Variants in CEP128 observed in about 807,000 individuals in gnomAD.
CEP128 encodes the protein centrosomal protein 128, also known as centrosomal protein 128kDa.
A neutral mutation model predicts 156.7 loss-of-function variants in CEP128; 132 were observed. The observed-to-expected ratio is 0.84, with a 90% CI of 0.73 to 0.97. The LOEUF is 0.97. CEP128 is among the 50% of genes least tolerant of loss of function. CEP128 has a pLI of 0.00. For missense variants in CEP128, 1,252 were observed against 1,281.9 expected (o/e 0.98, Z 0.36); for synonymous variants, 469 against 448.9 (o/e 1.04, Z -0.57).
chr14:80,927,870 C>G (rs1330812030), intron 2 of CEP128, among the ~76,000 whole-genome samples: 2 of 152,176 alleles, frequency 1.3e-5, no homozygotes, highest in East Asian at 3.8e-4. Context: ...AAGTGCATAC[C>G]TCTGAGGAAT....
intron 19 of CEP128, among the ~76,000 whole-genome samples, chr14:80,597,633 A>T (rs906185511): frequency 6.7e-6 from 1 of 148,440 alleles, no homozygotes; most frequent in Non-Finnish European, 1.5e-5. Flanking sequence ...AGAAAGAAAG[A>T]AAAGAAAGAA....
At position 80,509,708 on chromosome 14, in the gene CEP128, G is replaced by A. The variant is rs575702677; in HGVS notation, c.3073-4688C>T. On this transcript the variant is annotated intron_variant, in intron 23 of 24. Transcript: ENST00000555265. Reference sequence around the variant, plus strand: ...GGGGTATTCCTCAAAGTCTTTGCACGATCCAATATCCTGGAGAGTTTCTTT... The same window carrying A: ...GGGGTATTCCTCAAAGTCTTTGCACAATCCAATATCCTGGAGAGTTTCTTT... 1.6e-3 allele frequency among the ~76,000 whole-genome samples: 238 copies of A among 152,216 alleles called. 1 individual carries two copies. The highest frequency in any genetic ancestry group is 5.4e-3 in the African/African-American group (223 of 41,542).
At chr14:80,674,161 A>G (rs1243996874) in intron 19 of CEP128, among the ~76,000 whole-genome samples, 3 of 152,104 alleles carry the variant, frequency 2.0e-5, no homozygotes, top group African/African-American at 4.8e-5. Context: ...CCGGGTTCCA[A>G]TGTTGGCTTT....
chr14:80,655,574 G>C (rs1895095800), intron 19 of CEP128, among the ~76,000 whole-genome samples: 1 of 152,140 alleles, frequency 6.6e-6, no homozygotes, highest in African/African-American at 2.4e-5. Context: ...CCCAGGCCTT[G>C]CCATTCAGAG....
At position 80,840,768 on chromosome 14, in the gene CEP128, C is replaced by A. The variant is rs750000323; in HGVS notation, c.763G>T (p.Ala255Ser). Residue 255 changes from alanine (A) to serine (S), a missense_variant and splice_region_variant, in exon 10 of 25, where the codon GCA (alanine) becomes TCA (serine). Physicochemically the swap from Ala to Ser is moderately conservative, Grantham distance 99. Transcript: ENST00000555265. ...GCTTTAGCTTCTTGTTTCTTTAGTG[C>A]CTGGAATGAAAGAGGTGGAAAAAAA... is the stretch of plus-strand genomic sequence containing the variant. ...LGLMSLQLQE[A>S]LKKQEAKADE... 1.3e-6 allele frequency: 2 copies of A among 1,599,580 alleles called. No homozygotes were observed. The highest frequency in any genetic ancestry group is 1.7e-6 in the Non-Finnish European group (2 of 1,169,204).
intron 14 of CEP128, among the ~76,000 whole-genome samples, chr14:80,480,206 C>T (rs1226048439): frequency 6.6e-6 from 1 of 152,182 alleles, no homozygotes; most frequent in African/African-American, 2.4e-5. Flanking sequence ...TGTGTGGGGG[C>T]TCTGACCCCA....
intron 13 of CEP128, among the ~76,000 whole-genome samples, chr14:80,811,517 T>C (rs1884531646): frequency 6.6e-6 from 1 of 152,200 alleles, no homozygotes. Flanking sequence ...AACTAATGGA[T>C]GTTGAATTTT....
At chr14:80,740,592 T>A (rs79329591) in intron 19 of CEP128, among the ~76,000 whole-genome samples, 3,737 of 152,254 alleles carry the variant, frequency 0.025, 73 homozygotes, top group Middle Eastern at 0.082. Context: ...ACTGTCTACT[T>A]TTTGGCTAAG....
chr14:80,833,709 T>C (rs1367385301), intron 12 of CEP128, among the ~76,000 whole-genome samples: 2 of 151,664 alleles, frequency 1.3e-5, no homozygotes, highest in Non-Finnish European at 1.5e-5. Context: ...GAAAAGAAAA[T>C]AGATTACAGA....
intron 16 of CEP128, among the ~76,000 whole-genome samples, chr14:80,765,273 T>C (rs902570196): frequency 4.5e-4 from 69 of 152,376 alleles, no homozygotes; most frequent in African/African-American, 1.6e-3. Context: ...TAGCGCTTTC[T>C]CGCAGTTTCA....
At chr14:80,598,904 T>TA (rs893161742) in intron 19 of CEP128, among the ~76,000 whole-genome samples, 3 of 152,128 alleles carry the variant, frequency 2.0e-5, no homozygotes, top group Non-Finnish European at 4.4e-5. Context: ...GATGTGGCTA[T>TA]AAAAAATATA....
intron 2 of CEP128, among the ~76,000 whole-genome samples, chr14:80,922,925 C>CACTCT (rs1184554193): frequency 1.3e-5 from 2 of 152,186 alleles, no homozygotes; most frequent in African/African-American, 2.4e-5. Flanking sequence ...AAGCAGTGAA[C>CACTCT]ACTCTTCTGC....
chr14:80,704,617 C>T (rs933644678), intron 19 of CEP128, among the ~76,000 whole-genome samples: 1 of 149,378 alleles, frequency 6.7e-6, no homozygotes, highest in Non-Finnish European at 1.5e-5. Context: ...GAAAAAAATA[C>T]AGAACTACTT....
At chr14:80,663,030 T>A (rs1294653168) in intron 19 of CEP128, among the ~76,000 whole-genome samples, 1 of 152,190 alleles carries the variant, frequency 6.6e-6, no homozygotes, top group East Asian at 1.9e-4. Flanking sequence ...ACAATGACAG[T>A]GTTGAATAAT....
chr14:80,641,845 G>A (rs1049418873), intron 19 of CEP128, among the ~76,000 whole-genome samples: 1 of 151,938 alleles, frequency 6.6e-6, no homozygotes, highest in Non-Finnish European at 1.5e-5. Flanking sequence ...TACAAAGAGA[G>A]AGAGAAGGCC....
At chr14:80,540,448 G>C (rs1444022407) in intron 21 of CEP128, among the ~76,000 whole-genome samples, 1 of 152,222 alleles carries the variant, frequency 6.6e-6, no homozygotes, top group Non-Finnish European at 1.5e-5. Context: ...GCACCTGTGT[G>C]GCACTTTGCG....
At chr14:80,784,139 T>G (rs1205065830) in intron 15 of CEP128, among the ~76,000 whole-genome samples, 2 of 152,170 alleles carry the variant, frequency 1.3e-5, no homozygotes, top group African/African-American at 4.8e-5. Context: ...ATATTTACAA[T>G]GTTCCAAAAA....
At chr14:80,947,407 AT>A (rs921449972) in intron 2 of CEP128, among the ~76,000 whole-genome samples, 1 of 152,176 alleles carries the variant, frequency 6.6e-6, no homozygotes, top group African/African-American at 2.4e-5. Context: ...TTCTTCCTGG[AT>A]TTTGCATATT....
chr14:80,900,712 G>T (rs993856460), intron 6 of CEP128, among the ~76,000 whole-genome samples: 1 of 152,122 alleles, frequency 6.6e-6, no homozygotes, highest in African/African-American at 2.4e-5. Flanking sequence ...AGATACCTAC[G>T]CATTAGTAAA....
Sources: gnomAD v4.1 joint callset for allele counts (sites outside exome capture counted in the v4.1 genomes callset) on GRCh38, gnomAD v4.1.1 for gene constraint, MANE v1.5 for transcripts, NCBI Gene and HGNC (gene_info 2026-07-23, HGNC 2026-07-21) for gene names.